Variants in MOCOS observed in about 807,000 individuals in gnomAD.
MOCOS encodes the protein human molybdenum cofactor sulfurase.
Under a neutral mutation model 83.6 loss-of-function variants are expected in MOCOS, and 86 were observed. The ratio of observed to expected loss-of-function variants is 1.03; its 90% CI spans 0.86 to 1.23. The LOEUF (loss-of-function observed/expected upper bound fraction) is 1.23, where lower values mean the gene tolerates loss of function less well. MOCOS is among the 50% of genes most tolerant of loss of function. MOCOS has a pLI of 0.00. For missense variants in MOCOS, 1,120 were observed against 1,126.9 expected (o/e 0.99, Z 0.09); for synonymous variants, 445 against 434.7 (o/e 1.02, Z -0.29).
intron 9 of MOCOS, 147 bp downstream of exon 9, chr18:36,220,364 C>A: frequency 9.4e-7 from 1 of 1,068,010 alleles, no homozygotes; most frequent in Non-Finnish European, 1.3e-6. Flanking sequence ...AAAAATTATC[C>A]TGGGTGTGGG....
intron 9 of MOCOS, among the ~76,000 whole-genome samples, chr18:36,246,869 C>T (rs2091604258): frequency 6.6e-6 from 1 of 152,168 alleles, no homozygotes; most frequent in African/African-American, 2.4e-5. Context: ...CCTGCCTTGG[C>T]TAGGATAGGT....
At chr18:36,228,001 C>T (rs2091524184) in intron 9 of MOCOS, among the ~76,000 whole-genome samples, 1 of 151,804 alleles carries the variant, frequency 6.6e-6, no homozygotes, top group Non-Finnish European at 1.5e-5. Context: ...GAAACAACCC[C>T]ATAAAAAGTA....
chr18:36,188,892 A>G (rs768923083), intron 1 of MOCOS, among the ~76,000 whole-genome samples: 6 of 141,962 alleles, frequency 4.2e-5, no homozygotes, highest in Non-Finnish European at 9.2e-5. Context: ...CCTGCTGGAG[A>G]CAGCTCCTCA....
chr18:36,267,677 T>C (rs1285002610), intron 14 of MOCOS, among the ~76,000 whole-genome samples: 2 of 152,160 alleles, frequency 1.3e-5, no homozygotes, highest in Non-Finnish European at 2.9e-5. Context: ...GCAGGCTGTG[T>C]TGTCTGGGGT....
At chr18:36,232,577 C>T (rs2091542352) in intron 9 of MOCOS, among the ~76,000 whole-genome samples, 2 of 152,066 alleles carry the variant, frequency 1.3e-5, no homozygotes, top group African/African-American at 4.8e-5. Flanking sequence ...CTACAGAATA[C>T]TAGACCTTAT....
intron 9 of MOCOS, among the ~76,000 whole-genome samples, chr18:36,237,300 A>G (rs1179584636): frequency 2.6e-5 from 4 of 151,192 alleles, no homozygotes. Flanking sequence ...ATTTTGAAAT[A>G]TGTCCCATCA....
chr18:36,207,963 T>C (rs1449949786), intron 6 of MOCOS, among the ~76,000 whole-genome samples: 1 of 152,214 alleles, frequency 6.6e-6, no homozygotes, highest in African/African-American at 2.4e-5. Flanking sequence ...CTTGAGTTTA[T>C]TTTTTTATGT....
At chr18:36,241,169 C>A (rs1019169561) in intron 9 of MOCOS, among the ~76,000 whole-genome samples, 1 of 152,114 alleles carries the variant, frequency 6.6e-6, no homozygotes, top group African/African-American at 2.4e-5. Flanking sequence ...AACAAAGTCC[C>A]CAGAATCTTA....
At chr18:36,267,948 A>C (rs921651084) in intron 14 of MOCOS, among the ~76,000 whole-genome samples, 18 of 152,328 alleles carry the variant, frequency 1.2e-4, no homozygotes, top group African/African-American at 3.8e-4. Flanking sequence ...GGCCTGGAAC[A>C]TGAGGGTGTC....
At chr18:36,240,582 C>A (rs576159245) in intron 9 of MOCOS, among the ~76,000 whole-genome samples, 1 of 151,946 alleles carries the variant, frequency 6.6e-6, no homozygotes, top group Non-Finnish European at 1.5e-5. Context: ...TTACTGCTGT[C>A]TTTTTGTTTG....
intron 3 of MOCOS, among the ~76,000 whole-genome samples, chr18:36,199,358 A>T (rs1442258389): frequency 6.6e-6 from 1 of 152,242 alleles, no homozygotes. Context: ...AAACAGGTTG[A>T]TTACTACTTA....
chr18:36,187,634 C>T lies in MOCOS; in HGVS notation c.95C>T (p.Pro32Leu), dbSNP rs986619553. The T allele has an allele frequency of 2.4e-6, 3 of 1,250,496 alleles. No homozygotes were observed. The highest frequency in any genetic ancestry group is 7.2e-5 in the South Asian group (2 of 27,966). The allele number at this position is 1,250,496 out of a possible 1,614,324, so 77.5% of individuals were successfully genotyped here. A position where few individuals can be genotyped will look rare whatever the true frequency, so the allele number is the denominator to read the frequency against. ...SAPRLAYGYG[P>L]GSLRELRARE... ...CCGCGGCTAGCCTACGGCTACGGCC[C>T]GGGCAGCCTGCGCGAGCTGCGGGCG... The change falls in exon 1 of 15, where the codon CCG (proline) becomes CTG (leucine). Residue 32 changes from proline to leucine, a missense_variant. By Grantham distance (98) the Pro-to-Leu change is moderately conservative (BLOSUM62 -3). Transcript: ENST00000261326.
intron 2 of MOCOS, among the ~76,000 whole-genome samples, chr18:36,198,301 A>G (rs1250805792): frequency 6.6e-6 from 1 of 152,162 alleles, no homozygotes; most frequent in Non-Finnish European, 1.5e-5. Context: ...AGATGGGAGG[A>G]TCGCTTGAGC....
rs544534699 is a variant in MOCOS at position 36,268,507 on chromosome 18, T to C, written c.2515-26T>C. 12 of 1,613,990 alleles carry C rather than the reference T, an allele frequency of 7.4e-6. No homozygotes were observed. The East Asian group carries it at 2.0e-4, about 27-fold the overall frequency. On this transcript the variant is annotated intron_variant, in intron 14 of 14. Transcript: ENST00000261326. ...ATTGCTAAAATAATCTAGCCTTTTT[T>C]GTTGTTGTTGCTGTTTTGTTCACAG...
intron 4 of MOCOS, among the ~76,000 whole-genome samples, chr18:36,201,255 T>A (rs980025480): frequency 6.6e-6 from 1 of 152,200 alleles, no homozygotes; most frequent in African/African-American, 2.4e-5. Context: ...GAGTCAGTGT[T>A]AGCTGTGTAA....
At chr18:36,246,127 T>C (rs1221163451) in intron 9 of MOCOS, among the ~76,000 whole-genome samples, 1 of 152,222 alleles carries the variant, frequency 6.6e-6, no homozygotes, top group Non-Finnish European at 1.5e-5. Flanking sequence ...TTTCTGGCAA[T>C]TCAGAGATTT....
intron 4 of MOCOS, among the ~76,000 whole-genome samples, chr18:36,200,637 G>A (rs149940940): frequency 2.7e-3 from 410 of 152,324 alleles, no homozygotes; most frequent in Non-Finnish European, 4.2e-3. Context: ...GAGCTACCAG[G>A]CCTCTGCCCT....
intron 10 of MOCOS, among the ~76,000 whole-genome samples, chr18:36,249,543 G>T (rs1299694753): frequency 1.3e-5 from 2 of 152,106 alleles, no homozygotes; most frequent in Non-Finnish European, 2.9e-5. Flanking sequence ...AGTCTGGAGG[G>T]CACTGCAACA....
rs1352714946 is a variant in MOCOS at position 36,271,694 on chromosome 18, A to T, written c.*3009A>T. 6.6e-6 allele frequency: 1 copy of T among 152,204 alleles called. No homozygotes were observed. The highest frequency in any genetic ancestry group is 6.5e-5 in the Admixed American group (1 of 15,284). 9.4% of individuals were successfully genotyped at this position (152,204 alleles called of 1,614,324 possible). On this transcript the variant is annotated 3_prime_UTR_variant, in exon 15 of 15. Transcript: ENST00000261326. ...CAGACAATAACTTGTCTTTCTGGGCATTCGCGTCATGGTCCTTTTAGCCAG... is the reference window on the plus strand; with the variant it reads ...CAGACAATAACTTGTCTTTCTGGGCTTTCGCGTCATGGTCCTTTTAGCCAG...
Sources: gnomAD v4.1 joint callset for allele counts (sites outside exome capture counted in the v4.1 genomes callset) on GRCh38, gnomAD v4.1.1 for gene constraint, MANE v1.5 for transcripts, NCBI Gene and HGNC (gene_info 2026-07-23, HGNC 2026-07-21) for gene names.